Variants in DYNC2H1 observed in about 807,000 individuals in gnomAD.
DYNC2H1 encodes the protein dynein cytoplasmic 2 heavy chain 1, also known as cytoplasmic dynein 2 heavy chain 1.
A neutral mutation model predicts 570.0 loss-of-function variants in DYNC2H1; 410 were observed. The ratio of observed to expected loss-of-function variants is 0.72; its 90% confidence interval spans 0.66 to 0.78. The LOEUF is 0.78. Ranked by LOEUF, DYNC2H1 falls within the 30% of genes least tolerant of loss-of-function variation. DYNC2H1 has a pLI of 0.00. For synonymous variants in DYNC2H1, 1,688 were observed against 1,677.6 expected (o/e 1.01, Z -0.15); for missense variants, 4,865 against 5,046.4 (o/e 0.96, Z 1.09).
At chr11:103,148,726 A>T (rs574763491) in intron 20 of DYNC2H1, 109 bp downstream of exon 20, 10 of 1,313,956 alleles carry the variant, frequency 7.6e-6, no homozygotes, top group East Asian at 5.3e-5. Flanking sequence ...CAACATTATA[A>T]GGAGGTCCAC....
chr11:103,181,528 A>G lies in DYNC2H1; in HGVS notation c.6348-229A>G, dbSNP rs367981359. 1.7e-4 allele frequency among the ~76,000 whole-genome samples: 26 copies of G among 151,698 alleles called. No individual in the cohort carries two copies. The South Asian group carries it at 2.5e-3, about 15-fold the overall frequency. On this transcript the variant is annotated intron_variant, in intron 39 of 88. Coordinates refer to ENST00000375735, the MANE Select transcript of DYNC2H1 (RefSeq NM_001377.3). This position sits in a 1 kb window ranked among gnomAD's most constrained non-coding sequence, Gnocchi z 5.0. Reference sequence around the variant, plus strand: ...TTTATAGAAAATGACATATATATGTATATATACCTATATGCATGTGTGTTT... The same window carrying G: ...TTTATAGAAAATGACATATATATGTGTATATACCTATATGCATGTGTGTTT...
rs776518446 is a variant in DYNC2H1, at chr11:103,215,713, T to G, written c.8695-8T>G. 3.2e-6 allele frequency: 5 copies of G among 1,571,370 alleles called. No individual in the cohort carries two copies. In the East Asian group the frequency reaches 1.1e-4, roughly 35 times the overall value. Reference sequence around the variant, plus strand: ...AAAATATTGCCGATCAATATTTTATTGATGTAGGCTGGTGTATCTAAACTA... The same window carrying G: ...AAAATATTGCCGATCAATATTTTATGGATGTAGGCTGGTGTATCTAAACTA... On this transcript the variant is annotated splice_polypyrimidine_tract_variant and splice_region_variant and intron_variant, in intron 54 of 88. Coordinates refer to ENST00000375735, the MANE Select transcript of DYNC2H1 (RefSeq NM_001377.3).
rs1478805798 is a variant in DYNC2H1, at chr11:103,174,185, T to C, written c.5674+15T>C. The C allele has an allele frequency of 6.6e-7, 1 of 1,505,046 alleles. No individual in the cohort carries two copies. Among genetic ancestry groups the C allele is most frequent in the South Asian group, 1.2e-5 (1 of 80,060 alleles). 93.2% of individuals were successfully genotyped at this position (1,505,046 alleles called of 1,614,324 possible). ...TACACAGAATGGTATGATTGATTAT[T>C]CCAAATACATTAACTTATTTTTAAA... On this transcript the variant is annotated intron_variant, in intron 36 of 88. Transcript: ENST00000375735.
chr11:103,459,958 C>CA (rs376050088), intron 87 of DYNC2H1, among the ~76,000 whole-genome samples: 1,512 of 70,746 alleles, frequency 0.021, 61 homozygotes, highest in African/African-American at 0.05. Context: ...GACTCCGTCT[C>CA]AAAAAAAAAA....
At position 103,301,953 on chromosome 11, in the gene DYNC2H1, TC is replaced by T. The variant is rs140947290; in HGVS notation, c.11096-1138del. Among the ~76,000 whole-genome samples the T allele has an allele frequency of 4.7e-3, 713 of 152,154 alleles. 3 individuals carry two copies. Among genetic ancestry groups the T allele is most frequent in the African/African-American group, 0.016 (680 of 41,566 alleles). On this transcript the variant is annotated intron_variant, in intron 75 of 88. Coordinates refer to ENST00000375735, the MANE Select transcript of DYNC2H1 (RefSeq NM_001377.3). The stretch of plus-strand genomic sequence containing the variant: ...CCTAATTTTTCGTTTATTTTTAAAC[TC>T]CTGTGTAACACTCATTTTAGCTCAA...
chr11:103,425,090 C>T (rs1943619382), intron 84 of DYNC2H1, among the ~76,000 whole-genome samples: 1 of 152,076 alleles, frequency 6.6e-6, no homozygotes, highest in Admixed American at 6.6e-5. Context: ...CACATGCCCT[C>T]ACACAAGGCT....
chr11:103,227,769 T>A (rs767628728), intron 59 of DYNC2H1, among the ~76,000 whole-genome samples: 1 of 152,230 alleles, frequency 6.6e-6, no homozygotes, highest in African/African-American at 2.4e-5. Context: ...TGTCTAGTGC[T>A]GTCAGTGGAG....
intron 82 of DYNC2H1, among the ~76,000 whole-genome samples, chr11:103,335,459 A>T (rs1463953086): frequency 7.4e-6 from 1 of 134,750 alleles, no homozygotes; most frequent in Non-Finnish European, 1.6e-5. Flanking sequence ...AATGAAGGAG[A>T]AAAATAGGAT....
At position 103,249,996 on chromosome 11, in the gene DYNC2H1, C is replaced by T. The variant is rs1864768708; in HGVS notation, c.10043-3289C>T. 6.6e-6 allele frequency among the ~76,000 whole-genome samples: 1 copy of T among 151,998 alleles called. No individual in the cohort carries two copies. Among genetic ancestry groups the T allele is most frequent in the Non-Finnish European group, 1.5e-5 (1 of 67,952 alleles). On this transcript the variant is annotated intron_variant, in intron 65 of 88. Transcript: ENST00000375735. This position sits in a 1 kb window ranked among gnomAD's most constrained non-coding sequence, Gnocchi z 4.6. ...ATCCTCTAACAAGCCTCTATTAAGT[C>T]CTTTGTACTGACATAATGCACAATT... is the stretch of plus-strand genomic sequence containing the variant.
At chr11:103,416,288 T>TTAAAC (rs1943279003) in intron 84 of DYNC2H1, among the ~76,000 whole-genome samples, 1 of 152,104 alleles carries the variant, frequency 6.6e-6, no homozygotes, top group Non-Finnish European at 1.5e-5. Context: ...ACCCTAGAAC[T>TTAAAC]TAAACTATAA....
Position 103,446,497 on chromosome 11 carries a change from A to G in DYNC2H1, c.12457-8689A>G, listed in dbSNP as rs1477693635. Reference sequence around the variant, plus strand: ...GGAAGACGTTGGTGATCTTGAGGAGATGTTTTGTGAAGTTCTAAAGAATGA... The same window carrying G: ...GGAAGACGTTGGTGATCTTGAGGAGGTGTTTTGTGAAGTTCTAAAGAATGA... On this transcript the variant is annotated intron_variant, in intron 85 of 88. Transcript: ENST00000375735. This position sits in a 1 kb window ranked among gnomAD's most constrained non-coding sequence, Gnocchi z 4.5. 2.0e-5 allele frequency among the ~76,000 whole-genome samples: 3 copies of G among 152,152 alleles called. No individual in the cohort carries two copies. The highest frequency in any genetic ancestry group is 4.4e-5 in the Non-Finnish European group (3 of 68,018).
At chr11:103,445,616 G>C (rs1046444495) in intron 85 of DYNC2H1, among the ~76,000 whole-genome samples, 1 of 152,036 alleles carries the variant, frequency 6.6e-6, no homozygotes, top group Non-Finnish European at 1.5e-5. Flanking sequence ...TGGCTATGGG[G>C]CATGGGAGAG....
chr11:103,185,968 C>G lies in DYNC2H1; in HGVS notation c.6634-274C>G, dbSNP rs898258895. Among the ~76,000 whole-genome samples the G allele has an allele frequency of 2.0e-5, 3 of 151,840 alleles. No homozygotes were observed. The highest frequency in any genetic ancestry group is 7.3e-5 in the African/African-American group (3 of 41,350). The stretch of plus-strand genomic sequence containing the variant: ...CTTTGTGATTTAATGTTAATAAGAA[C>G]TCCATTAAAATGGAATATATTTATA... On this transcript the variant is annotated intron_variant, in intron 41 of 88. Coordinates refer to ENST00000375735, the MANE Select transcript of DYNC2H1 (RefSeq NM_001377.3). The surrounding 1 kb of genome is among the most constrained non-coding windows in gnomAD (Gnocchi z 4.5).
At chr11:103,183,714 A>G (rs557532120) in intron 40 of DYNC2H1, among the ~76,000 whole-genome samples, 124 of 151,932 alleles carry the variant, frequency 8.2e-4, no homozygotes, top group African/African-American at 3.0e-3. Flanking sequence ...AAATATGTAC[A>G]TTTCCTTTAT....
At chr11:103,375,704 A>G (rs756080332) in intron 83 of DYNC2H1, among the ~76,000 whole-genome samples, 1 of 152,160 alleles carries the variant, frequency 6.6e-6, no homozygotes, top group Non-Finnish European at 1.5e-5. Context: ...TCCCATTTAC[A>G]ATGGGTGTAG....
At chr11:103,292,160 T>C (rs1472945747) in intron 75 of DYNC2H1, among the ~76,000 whole-genome samples, 3 of 150,770 alleles carry the variant, frequency 2.0e-5, no homozygotes, top group African/African-American at 4.9e-5. Flanking sequence ...CTTCTTCTCT[T>C]TTTTTTTTTC....
chr11:103,187,580 A>G lies in DYNC2H1; in HGVS notation c.7134A>G (p.Leu2378=). 1.2e-6 allele frequency: 2 copies of G among 1,612,708 alleles called. No individual in the cohort carries two copies. The highest frequency in any genetic ancestry group is 1.1e-5 in the South Asian group (1 of 91,010). The change falls in exon 43 of 89, where the codon CTA becomes CTG. Residue 2378 remains leucine (L), a synonymous_variant. Coordinates refer to ENST00000375735, the MANE Select transcript of DYNC2H1 (RefSeq NM_001377.3). ...GGACCAGTACTTTGGTAGCATTCCT[A>G]CAACAGGTAAGTCATATTGCTTGAA... The part of the protein sequence containing the change: ...KWGTSTLVAF[L]QQVLTYQGFY...
chr11:103,146,071 C>T (rs1860225942), intron 18 of DYNC2H1, among the ~76,000 whole-genome samples: 1 of 152,092 alleles, frequency 6.6e-6, no homozygotes, highest in Non-Finnish European at 1.5e-5. Flanking sequence ...TTTATAACTT[C>T]ATGTGTCAAG....
In DYNC2H1 at chr11:103,203,436, AGTAAAG is replaced by A. The variant is rs200315456; in HGVS notation, c.8198-223_8198-218del. Among the ~76,000 whole-genome samples the A allele has an allele frequency of 8.7e-3, 1,327 of 152,292 alleles. 15 individuals carry two copies. Among genetic ancestry groups the A allele is most frequent in the African/African-American group, 0.03 (1,263 of 41,590 alleles). On this transcript the variant is annotated intron_variant, in intron 50 of 88. Transcript: ENST00000375735. The surrounding 1 kb of genome is among the most constrained non-coding windows in gnomAD (Gnocchi z 4.7). ...TATGGAGGAAGATGGAAAAATAACC[AGTAAAG>A]GTAGACAGATGGCTAGTGTATGACT...
Sources: allele counts gnomAD v4.1 joint callset (sites outside exome capture counted in the v4.1 genomes callset), GRCh38; gene constraint gnomAD v4.1.1; non-coding constraint Gnocchi (gnomAD v3.1); transcripts MANE v1.5; gene names NCBI Gene and HGNC (gene_info 2026-07-23, HGNC 2026-07-21).